The following ZDHHC14 variants were observed in gnomAD, a reference collection of about 807,000 sequenced individuals.
The protein encoded by ZDHHC14 is zDHHC palmitoyltransferase 14, also known as palmitoyltransferase ZDHHC14.
A neutral mutation model predicts 47.7 loss-of-function variants in ZDHHC14; 16 were observed. The ratio of observed to expected loss-of-function variants is 0.34; its 90% CI spans 0.23 to 0.51. The LOEUF (loss-of-function observed/expected upper bound fraction) is 0.51, where lower values mean the gene tolerates loss of function less well. Among genes scored for constraint, ZDHHC14 ranks in the 20% least tolerant of loss-of-function variants. The pLI is 0.97. For missense variants in ZDHHC14, 515 were observed against 662.5 expected, an observed-to-expected ratio of 0.78 and a Z score of 2.44; for synonymous variants, 293 against 278.9, an observed-to-expected ratio of 1.05 and a Z score of -0.50.
rs1777960213 is a variant in ZDHHC14, at chr6:157,415,692, T to G, written c.245+33426T>G. Among the ~76,000 whole-genome samples the G allele has an allele frequency of 2.0e-5, 3 of 151,986 alleles. No individual in the cohort carries two copies. In the South Asian group the frequency reaches 6.2e-4, roughly 32 times the overall value. ...GAGTTTGAGACCAGCCTGGCCAACA[T>G]GGTGAAACCCCGTCTCTACTAAAAA... On this transcript the variant is annotated intron_variant, in intron 1 of 8. Coordinates refer to ENST00000359775, the MANE Select transcript of ZDHHC14 (RefSeq NM_024630.3).
chr6:157,667,217 A>G (rs577863403), intron 8 of ZDHHC14, among the ~76,000 whole-genome samples: 1 of 152,224 alleles, frequency 6.6e-6, no homozygotes, highest in Non-Finnish European at 1.5e-5. Context: ...TCAGATATCT[A>G]AGTGGTCAGC....
chr6:157,626,782 C>A (rs1399234960), intron 3 of ZDHHC14, among the ~76,000 whole-genome samples: 1 of 144,358 alleles, frequency 6.9e-6, no homozygotes, highest in African/African-American at 2.5e-5. Context: ...CAGTATCACA[C>A]AGAGTATTTC....
chr6:157,617,420 G>A (rs575216136), intron 3 of ZDHHC14, among the ~76,000 whole-genome samples: 1 of 152,018 alleles, frequency 6.6e-6, no homozygotes, highest in Non-Finnish European at 1.5e-5. Context: ...GTTCTGCTTG[G>A]ACTCATCGCA....
At chr6:157,658,812 G>T (rs1323317835) in intron 8 of ZDHHC14, among the ~76,000 whole-genome samples, 1 of 152,178 alleles carries the variant, frequency 6.6e-6, no homozygotes, top group Non-Finnish European at 1.5e-5. Flanking sequence ...TGGTATCGGG[G>T]TAATACCGGC....
intron 8 of ZDHHC14, among the ~76,000 whole-genome samples, chr6:157,656,273 C>T (rs1204050488): frequency 6.6e-6 from 1 of 152,170 alleles, no homozygotes; most frequent in Non-Finnish European, 1.5e-5. Context: ...GTTAAGAAGC[C>T]TGTCGCAGTG....
chr6:157,528,361 A>G (rs2114778450), intron 1 of ZDHHC14, among the ~76,000 whole-genome samples: 1 of 152,284 alleles, frequency 6.6e-6, no homozygotes. Flanking sequence ...TGAAAGTTTA[A>G]CCATAGATGA....
intron 1 of ZDHHC14, among the ~76,000 whole-genome samples, chr6:157,495,505 G>C (rs972632666): frequency 3.3e-5 from 5 of 152,170 alleles, no homozygotes; most frequent in African/African-American, 1.2e-4. Context: ...ACTTTGCACA[G>C]CATCAGAGAC....
intron 1 of ZDHHC14, among the ~76,000 whole-genome samples, chr6:157,428,266 C>T (rs1396745706): frequency 6.6e-6 from 1 of 152,160 alleles, no homozygotes; most frequent in Non-Finnish European, 1.5e-5. Context: ...CACTCCCACC[C>T]TCCGGTGCCC....
At chr6:157,453,788 T>TTTTTTTTGTGTG (rs3220439) in intron 1 of ZDHHC14, among the ~76,000 whole-genome samples, 5 of 148,098 alleles carry the variant, frequency 3.4e-5, no homozygotes, top group African/African-American at 1.3e-4. Context: ...TTTTTGTGTT[T>TTTTTTTTGTGTG]TGTGTGTGTG....
intron 1 of ZDHHC14, among the ~76,000 whole-genome samples, chr6:157,428,782 T>C (rs1334236168): frequency 6.6e-6 from 1 of 152,194 alleles, no homozygotes; most frequent in Non-Finnish European, 1.5e-5. Flanking sequence ...TGTTGCTCCT[T>C]ACATAAAGTT....
intron 1 of ZDHHC14, among the ~76,000 whole-genome samples, chr6:157,498,094 G>A (rs1347177645): frequency 6.6e-6 from 1 of 152,174 alleles, no homozygotes; most frequent in Non-Finnish European, 1.5e-5. Context: ...ACATGAAAAT[G>A]CTTTGAAAAC....
chr6:157,636,048 C>T (rs555964392), intron 5 of ZDHHC14, among the ~76,000 whole-genome samples: 3 of 152,266 alleles, frequency 2.0e-5, no homozygotes, highest in African/African-American at 7.2e-5. Context: ...AGGGGCAGGG[C>T]AGCCACAGCC....
intron 3 of ZDHHC14, among the ~76,000 whole-genome samples, chr6:157,618,835 C>G (rs913257196): frequency 1.3e-5 from 2 of 152,176 alleles, no homozygotes; most frequent in African/African-American, 4.8e-5. Context: ...GATTTCCTTT[C>G]AGATCCTAAC....
intron 1 of ZDHHC14, among the ~76,000 whole-genome samples, chr6:157,411,607 A>G (rs1321633193): frequency 2.0e-5 from 3 of 152,158 alleles, no homozygotes; most frequent in African/African-American, 4.8e-5. Context: ...ATGTGAAAAA[A>G]AGGTTAAGGT....
At chr6:157,667,989 AT>A (rs1334629951) in intron 8 of ZDHHC14, among the ~76,000 whole-genome samples, 1 of 152,168 alleles carries the variant, frequency 6.6e-6, no homozygotes, top group African/African-American at 2.4e-5. Context: ...CCAACAGGAG[AT>A]TTAGATGGGT....
At chr6:157,492,203 C>CCCCCCCCCCCCCCCCCT in intron 1 of ZDHHC14, among the ~76,000 whole-genome samples, 1 of 126,596 alleles carries the variant, frequency 7.9e-6, no homozygotes. Context: ...CCCCTCCGCC[C>CCCCCCCCCCCCCCCCCT]CCGCCCCCCA....
At chr6:157,401,964 G>T (rs1184618308) in intron 1 of ZDHHC14, among the ~76,000 whole-genome samples, 2 of 149,868 alleles carry the variant, frequency 1.3e-5, no homozygotes, top group African/African-American at 2.5e-5. Context: ...CAAGTGAGAT[G>T]AGCACCTGCT....
At chr6:157,542,990 G>C (rs1309044817) in intron 2 of ZDHHC14, among the ~76,000 whole-genome samples, 1 of 152,222 alleles carries the variant, frequency 6.6e-6, no homozygotes, top group Non-Finnish European at 1.5e-5. Flanking sequence ...ATCAGTGTGA[G>C]CTGTGCTTCT....
At chr6:157,628,225 T>A (rs1040945539) in intron 3 of ZDHHC14, 124 bp from the exon 4 acceptor site, 2 of 982,418 alleles carry the variant, frequency 2.0e-6, no homozygotes, top group Non-Finnish European at 2.8e-6. Context: ...TTTGGAAATA[T>A]GCAGAATAAT....
Sources: allele counts gnomAD v4.1 joint callset (sites outside exome capture counted in the v4.1 genomes callset), GRCh38; gene constraint gnomAD v4.1.1; transcripts MANE v1.5; gene names NCBI Gene and HGNC (gene_info 2026-07-23, HGNC 2026-07-21).